Variants in SDCCAG8 observed in about 807,000 individuals in gnomAD.
SDCCAG8 encodes the protein serologically defined colon cancer antigen 8.
In SDCCAG8, 74 loss-of-function variants were observed where a neutral mutation model predicts 101.8. That is an observed-to-expected ratio of 0.73 (90% CI 0.60 to 0.88). The LOEUF (loss-of-function observed/expected upper bound fraction) is 0.88, where lower values mean the gene tolerates loss of function less well. Among genes scored for constraint, SDCCAG8 ranks in the 40% least tolerant of loss-of-function variants. The pLI is 0.00. For missense variants in SDCCAG8, 787 were observed against 822.6 expected (o/e 0.96, Z 0.53); for synonymous variants, 281 against 292.9 (o/e 0.96, Z 0.41).
intron 8 of SDCCAG8, among the ~76,000 whole-genome samples, chr1:243,312,691 G>A (rs1471259006): frequency 6.8e-6 from 1 of 147,220 alleles, no homozygotes; most frequent in Non-Finnish European, 1.5e-5. Flanking sequence ...GGGCAACAGA[G>A]GAAGAACCTG....
chr1:243,325,396 T>A (rs1194883705), intron 9 of SDCCAG8, among the ~76,000 whole-genome samples: 1 of 152,084 alleles, frequency 6.6e-6, no homozygotes, highest in Non-Finnish European at 1.5e-5. Context: ...GCTTTCTAAG[T>A]GCATTAAAAA....
intron 16 of SDCCAG8, among the ~76,000 whole-genome samples, chr1:243,470,329 C>T (rs952044759): frequency 6.6e-6 from 1 of 152,158 alleles, no homozygotes; most frequent in Non-Finnish European, 1.5e-5. Context: ...GGTTTCGTTT[C>T]TAGTTCAGAG....
At chr1:243,295,323 A>G (rs2490396) in intron 6 of SDCCAG8, among the ~76,000 whole-genome samples, 147,618 of 152,224 alleles carry the variant, frequency 0.97, 71,747 homozygotes, top group South Asian at 1. Flanking sequence ...CCACAACCTC[A>G]GCCTCCCGGG....
intron 10 of SDCCAG8, among the ~76,000 whole-genome samples, chr1:243,335,290 C>T (rs1461606358): frequency 6.6e-6 from 1 of 152,098 alleles, no homozygotes; most frequent in Non-Finnish European, 1.5e-5. Flanking sequence ...AGGAACGCCA[C>T]CTGTAACCAA....
intron 16 of SDCCAG8, among the ~76,000 whole-genome samples, chr1:243,432,237 T>C (rs1435393611): frequency 6.6e-6 from 1 of 152,202 alleles, no homozygotes; most frequent in Non-Finnish European, 1.5e-5. Flanking sequence ...TGCAGGAACA[T>C]GAATGGAGCT....
At chr1:243,285,970 C>T (rs533900726) in intron 4 of SDCCAG8, among the ~76,000 whole-genome samples, 82 of 152,240 alleles carry the variant, frequency 5.4e-4, no homozygotes, top group African/African-American at 1.9e-3. Context: ...TCTTTAAAAT[C>T]TCTTGGATAA....
chr1:243,453,366 G>A (rs760786516), intron 16 of SDCCAG8, among the ~76,000 whole-genome samples: 2 of 152,170 alleles, frequency 1.3e-5, no homozygotes, highest in Non-Finnish European at 2.9e-5. Context: ...CTCCTGACTC[G>A]GAGTACAGAC....
At chr1:243,334,378 A>T (rs1024840467) in intron 10 of SDCCAG8, among the ~76,000 whole-genome samples, 1 of 152,084 alleles carries the variant, frequency 6.6e-6, no homozygotes, top group African/African-American at 2.4e-5. Context: ...AGACTCTACA[A>T]TATTGTTCCT....
At chr1:243,327,711 A>C (rs972809872) in intron 9 of SDCCAG8, among the ~76,000 whole-genome samples, 2 of 152,172 alleles carry the variant, frequency 1.3e-5, no homozygotes, top group African/African-American at 4.8e-5. Flanking sequence ...GAGATAGTGT[A>C]TAAATAATTG....
intron 8 of SDCCAG8, among the ~76,000 whole-genome samples, chr1:243,315,258 C>T (rs1398736067): frequency 6.6e-6 from 1 of 152,116 alleles, no homozygotes; most frequent in Middle Eastern, 3.2e-3. Flanking sequence ...CGTTATAGAA[C>T]TTTTATGGAA....
chr1:243,433,324 CCTGGGCAA>C (rs1441647553), intron 16 of SDCCAG8, among the ~76,000 whole-genome samples: 1 of 150,584 alleles, frequency 6.6e-6, no homozygotes, highest in African/African-American at 2.5e-5. Context: ...TGCACTCCAG[CCTGGGCAA>C]CAGAGTGCAA....
At chr1:243,257,204 A>G (rs1037953689) in intron 1 of SDCCAG8, among the ~76,000 whole-genome samples, 1 of 152,232 alleles carries the variant, frequency 6.6e-6, no homozygotes, top group Admixed American at 6.5e-5. Context: ...TGTACATATA[A>G]ACTATAAGTT....
rs1466886607 is a variant in SDCCAG8 at position 243,316,782 on chromosome 1, A to G, written c.957A>G (p.Leu319=). ...AAAGAGATGACTTGATGTCTGCACT[A>G]GTTTCCGTAAGGAGCAGCTTGGCAG... is the stretch of plus-strand genomic sequence containing the variant. The part of the protein sequence containing the change: ...VKERDDLMSA[L]VSVRSSLADT... Residue 319 remains leucine (L), a synonymous_variant, in exon 9 of 18, where the codon CTA becomes CTG. Coordinates refer to ENST00000366541, the MANE Select transcript of SDCCAG8 (RefSeq NM_006642.5). 3.1e-6 allele frequency: 5 copies of G among 1,614,224 alleles called. No individual in the cohort carries two copies. The South Asian group carries it at 5.5e-5, about 18-fold the overall frequency.
intron 9 of SDCCAG8, among the ~76,000 whole-genome samples, chr1:243,322,701 A>G (rs1336187193): frequency 2.0e-5 from 3 of 152,178 alleles, no homozygotes; most frequent in African/African-American, 7.2e-5. Context: ...CTAGCACTCT[A>G]CAGTGCCTTT....
chr1:243,401,984 T>A (rs1454838250), intron 13 of SDCCAG8, among the ~76,000 whole-genome samples: 8 of 152,316 alleles, frequency 5.3e-5, no homozygotes, highest in African/African-American at 1.9e-4. Flanking sequence ...TATTTTTATT[T>A]GTGGAATCAG....
At position 243,428,274 on chromosome 1, in the gene SDCCAG8, A is replaced by G. The variant is rs538248649; in HGVS notation, c.1985+1716A>G. Among the ~76,000 whole-genome samples the G allele has an allele frequency of 3.2e-3, 491 of 152,214 alleles. 3 individuals carry two copies. Among genetic ancestry groups the G allele is most frequent in the African/African-American group, 0.012 (483 of 41,534 alleles). On this transcript the variant is annotated intron_variant, in intron 16 of 17. Coordinates refer to ENST00000366541, the MANE Select transcript of SDCCAG8 (RefSeq NM_006642.5). ...CAAATTAATGGTTCGTTCATTCAAC[A>G]TTGATTGATTGATTGATTGATTGCT... is the stretch of plus-strand genomic sequence containing the variant.
At chr1:243,481,353 C>A (rs1574307511) in intron 16 of SDCCAG8, among the ~76,000 whole-genome samples, 1 of 152,138 alleles carries the variant, frequency 6.6e-6, no homozygotes, top group Non-Finnish European at 1.5e-5. Context: ...GTAATCCTGG[C>A]TCTGCCTTAC....
chr1:243,371,722 G>T (rs1480399528), intron 12 of SDCCAG8, among the ~76,000 whole-genome samples: 2 of 152,078 alleles, frequency 1.3e-5, no homozygotes, highest in Non-Finnish European at 2.9e-5. Flanking sequence ...CACATAGGCT[G>T]GTTCCCCAAG....
intron 10 of SDCCAG8, among the ~76,000 whole-genome samples, chr1:243,331,634 A>C (rs956082139): frequency 6.6e-6 from 1 of 152,138 alleles, no homozygotes; most frequent in African/African-American, 2.4e-5. Context: ...TCAAAACCCT[A>C]CTACCTACCT....
Sources: gnomAD v4.1 joint callset for allele counts (sites outside exome capture counted in the v4.1 genomes callset) on GRCh38, gnomAD v4.1.1 for gene constraint, MANE v1.5 for transcripts, NCBI Gene and HGNC (gene_info 2026-07-23, HGNC 2026-07-21) for gene names.